CPSF1: variants seen among roughly 807,000 people sequenced by gnomAD.
CPSF1 encodes cleavage and polyadenylation specific factor 1.
CPSF1 carries 106 observed loss-of-function variants against 175.8 expected under a neutral mutation model. The observed-to-expected ratio is 0.60, with a 90% CI of 0.52 to 0.71. CPSF1 has a LOEUF of 0.71. Among genes scored for constraint, CPSF1 ranks in the 30% least tolerant of loss-of-function variants. The pLI is 0.00. For synonymous variants in CPSF1, 1,024 were observed against 858.3 expected, an observed-to-expected ratio of 1.19 and a Z score of -3.37; for missense variants, 1,734 against 2,022.9, an observed-to-expected ratio of 0.86 and a Z score of 2.74.
chr8:144,394,308 C>T lies in CPSF1; in HGVS notation c.3745-8G>A, dbSNP rs782365950. On this transcript the variant is annotated splice_region_variant and splice_polypyrimidine_tract_variant and intron_variant, in intron 32 of 37. Coordinates refer to ENST00000616140, the MANE Select transcript of CPSF1 (RefSeq NM_013291.3). ...CTCCAGGGGCTTGGCATCCTGGGGG[C>T]GGGAAGGGGGCGTCAGAGGTGCCTT... 14 of 1,586,454 alleles carry T rather than the reference C, an allele frequency of 8.8e-6. No individual in the cohort carries two copies. Among genetic ancestry groups the T allele is most frequent in the Non-Finnish European group, 1.1e-5 (13 of 1,164,444 alleles).
intron 23 of CPSF1, 73 bp from the exon 24 acceptor site, chr8:144,397,002 T>A (rs1272290931): frequency 3.7e-6 from 4 of 1,091,168 alleles, no homozygotes; most frequent in Non-Finnish European, 5.2e-6. Context: ...TGGGAAGAGG[T>A]GGGCTGTGGG....
chr8:144,399,996 C>T lies in CPSF1; in HGVS notation c.1027G>A (p.Glu343Lys), dbSNP rs1038413029. 2 of 1,611,908 alleles carry T rather than the reference C, an allele frequency of 1.2e-6. No homozygotes were observed. The highest frequency in any genetic ancestry group is 1.1e-5 in the South Asian group (1 of 90,938). Residue 343 changes from glutamate to lysine, a missense_variant, in exon 10 of 38, where the codon GAG (glutamate) becomes AAG (lysine). By Grantham distance (56) the Glu-to-Lys change is moderately conservative (BLOSUM62 1). This residue lies in a region of CPSF1 where 162 missense variants were observed against 169.5 expected (regional missense o/e 0.96). Transcript: ENST00000616140. This position sits in a 1 kb window ranked among gnomAD's most constrained non-coding sequence, Gnocchi z 6.4. The stretch of plus-strand genomic sequence containing the variant: ...ATGGGCGGGGGAGGGGCTCACATCT[C>T]GCCGCCCTTGAGGGAGATGACCATC... ...DKMVISLKGG[E>K]IYVLTLITDG...
chr8:144,396,661 C>T lies in CPSF1; in HGVS notation c.2763G>A (p.Gly921=). ...GCGCCACGCGGCCCCGGGCCCCAGCCCCCTCCTCTGCGCCGCCACCTTCTG... is the reference window on the plus strand; with the variant it reads ...GCGCCACGCGGCCCCGGGCCCCAGCTCCCTCCTCTGCGCCGCCACCTTCTG... ...KKAEGGGAEE[G]AGARGRVARF... is the part of the protein sequence containing the mutation. Residue 921 remains glycine, a synonymous_variant, in exon 25 of 38, where the codon GGG becomes GGA. Transcript: ENST00000616140. The T allele has an allele frequency of 1.2e-6, 2 of 1,613,890 alleles. No individual in the cohort carries two copies. The highest frequency in any genetic ancestry group is 2.2e-5 in the East Asian group (1 of 44,894).
rs1245398243 is a variant in CPSF1 at position 144,400,137 on chromosome 8, C to CCG, written c.937+28_937+29insCG. 1.9e-5 allele frequency: 21 copies of CCG among 1,127,602 alleles called. No homozygotes were observed. The Admixed American group carries it at 2.2e-4, about 12-fold the overall frequency. The allele number at this position is 1,127,602 out of a possible 1,614,324, so 69.8% of individuals were successfully genotyped here. A position where few individuals can be genotyped will look rare whatever the true frequency, so the allele number is the denominator to read the frequency against. ...AGGCAGGCCCAAGCCGTCCCCGGGC[C>CCG]CCCCCCGCCCCAGCCACCCCACACT... is the stretch of plus-strand genomic sequence containing the variant. On this transcript the variant is annotated intron_variant, in intron 9 of 37. Coordinates refer to ENST00000616140, the MANE Select transcript of CPSF1 (RefSeq NM_013291.3).
chr8:144,394,764 G>A lies in CPSF1; in HGVS notation c.3447C>T (p.Pro1149=), dbSNP rs782812921. 66 of 1,613,436 alleles carry A rather than the reference G, an allele frequency of 4.1e-5. 1 individual carries two copies. Among genetic ancestry groups the A allele is most frequent in the South Asian group, 4.0e-4 (36 of 91,088 alleles). The change falls in exon 31 of 38, where the codon CCC becomes CCT. Residue 1149 remains proline (P), a synonymous_variant. Coordinates refer to ENST00000616140, the MANE Select transcript of CPSF1 (RefSeq NM_013291.3). ...ILIMDVIEVV[P]EPGQPLTKNK... ...TCTTGGTCAAGGGCTGGCCAGGCTC[G>A]GGCACCACCTCAATCACATCCATGA...
Position 144,395,474 on chromosome 8 carries a change from G to C in CPSF1, c.3057C>G (p.Arg1019=), listed in dbSNP as rs1554863409. 6.2e-7 allele frequency: 1 copy of C among 1,613,012 alleles called. No individual in the cohort carries two copies. Among genetic ancestry groups the C allele is most frequent in the South Asian group, 1.1e-5 (1 of 91,080 alleles). ...GGTAAGCCACATAGTGGGCCGTGCA[G>C]CGCAGCGGGATCTTCCTGACAGGCC... ...APWPVRKIPL[R]CTAHYVAYHV... is the part of the protein sequence containing the mutation. The change falls in exon 27 of 38, where the codon CGC becomes CGG. Residue 1019 remains arginine (R), a synonymous_variant. Transcript: ENST00000616140.
Position 144,394,019 on chromosome 8 carries a change from G to A in CPSF1, c.3879C>T (p.Gly1293=). Residue 1293 remains glycine, a synonymous_variant, in exon 35 of 38, where the codon GGC becomes GGT. Coordinates refer to ENST00000616140, the MANE Select transcript of CPSF1 (RefSeq NM_013291.3). Reference sequence around the variant, plus strand: ...AGTCTGCCCGACGCAGCAGGCGCATGCCCCCGAAACTCTCCTTGGCTAGAC... The same window carrying A: ...AGTCTGCCCGACGCAGCAGGCGCATACCCCCGAAACTCTCCTTGGCTAGAC... ...YLPEAKESFG[G]MRLLRRADFH... is the part of the protein sequence containing the mutation. The A allele has an allele frequency of 6.2e-7, 1 of 1,612,396 alleles. No homozygotes were observed. The highest frequency in any genetic ancestry group is 2.2e-5 in the East Asian group (1 of 44,820).
In CPSF1 at chr8:144,394,000, C is replaced by T. The variant is rs150679420; in HGVS notation, c.3898G>A (p.Ala1300Thr). 69 of 1,612,920 alleles carry T rather than the reference C, an allele frequency of 4.3e-5. No homozygotes were observed. The highest frequency in any genetic ancestry group is 5.4e-5 in the Non-Finnish European group (64 of 1,179,526). Residue 1300 changes from alanine to threonine, a missense_variant, in exon 35 of 38, where the codon GCA becomes ACA. This residue lies in a region of CPSF1 where 323 missense variants were observed against 338.5 expected (regional missense o/e 0.95). Transcript: ENST00000616140. ...ACGTGGGCACCCACGTGGAAGTCTG[C>T]CCGACGCAGCAGGCGCATGCCCCCG... ...SFGGMRLLRR[A>T]DFHVGAHVNT...
chr8:144,401,394 C>T (rs1554867062), intron 4 of CPSF1, 36 bp downstream of exon 4: 8 of 1,612,814 alleles, frequency 5.0e-6, no homozygotes, highest in Non-Finnish European at 6.8e-6. Flanking sequence ...ACTCCCACGC[C>T]TTGGCCAGGC....
At chr8:144,395,677 AGCT>A (rs1297979456) in intron 26 of CPSF1, 126 bp from the exon 27 acceptor site, 16 of 766,982 alleles carry the variant, frequency 2.1e-5, no homozygotes, top group African/African-American at 1.6e-4. Flanking sequence ...GGTGAGGGGC[AGCT>A]GTGTCCTGGC....
At chr8:144,393,858 G>A in intron 35 of CPSF1, 25 bp downstream of exon 35, 2 of 1,603,046 alleles carry the variant, frequency 1.2e-6, no homozygotes, top group Middle Eastern at 1.7e-4. Flanking sequence ...CCCCCACCCA[G>A]ACACACCTGC....
intron 2 of CPSF1, among the ~76,000 whole-genome samples, chr8:144,404,131 G>A (rs1482830935): frequency 6.6e-6 from 1 of 151,778 alleles, no homozygotes; most frequent in Non-Finnish European, 1.5e-5. Flanking sequence ...GCTAAGGCAG[G>A]AGAATCGCTT....
intron 9 of CPSF1, 31 bp downstream of exon 9, chr8:144,400,135 G>GGGGGCCCCCCCCCCCCCC: frequency 3.2e-5 from 29 of 895,898 alleles, no homozygotes; most frequent in Non-Finnish European, 4.5e-5. Context: ...CCGTCCCCGG[G>GGGGGCCCCCCCCCCCCCC]CCCCCCCCGC....
rs147468511 is a variant in CPSF1 at position 144,400,437 on chromosome 8, G to A, written c.743C>T (p.Thr248Met). ...CCAGATGACGGGGTGCACCTTCTGC[G>A]TGATGTTCAGTGAGATGGCCACAAT... Reference protein sequence around the residue: ...CSIVAISLNITQKVHPVIWSL... With the variant: ...CSIVAISLNIMQKVHPVIWSL... The change falls in exon 8 of 38, where the codon ACG becomes ATG. Residue 248 changes from threonine to methionine, a missense_variant. By Grantham distance (81) the Thr-to-Met change is moderately conservative. Transcript: ENST00000616140. The A allele has an allele frequency of 2.2e-4, 355 of 1,613,562 alleles. 5 individuals are homozygous for A. The African/African-American group carries it at 3.7e-3, about 17-fold the overall frequency.
chr8:144,399,479 GCTT>G lies in CPSF1; in HGVS notation c.1264_1266del (p.Lys422del), dbSNP rs2116863198. 2 of 1,613,042 alleles carry G rather than the reference GCTT, an allele frequency of 1.2e-6. No homozygotes were observed. The highest frequency in any genetic ancestry group is 2.2e-5 in the East Asian group (1 of 44,878). ...GACCAGCCGGCCGTCGCATCCACTCGCTTCTTCTTTGAGGGAGGCTCTTCCTGT... is the reference window on the plus strand; with the variant it reads ...GACCAGCCGGCCGTCGCATCCACTCGCTTCTTTGAGGGAGGCTCTTCCTGT... On this transcript the variant is annotated inframe_deletion, in exon 13 of 38. Transcript: ENST00000616140. The surrounding 1 kb of genome is among the most constrained non-coding windows in gnomAD (Gnocchi z 6.4).
chr8:144,402,162 C>CT (rs2116889480), intron 2 of CPSF1, among the ~76,000 whole-genome samples: 90,215 of 152,120 alleles, frequency 0.59, 28,618 homozygotes, highest in Middle Eastern at 0.74. Flanking sequence ...GGCTGCCTCT[C>CT]TATCTCCTCC....
At chr8:144,398,172 C>T (rs782369496) in intron 19 of CPSF1, 40 bp from the exon 20 acceptor site, 2 of 918,424 alleles carry the variant, frequency 2.2e-6, no homozygotes, top group East Asian at 2.9e-5. Context: ...TCCCCACCAC[C>T]GTCCCCACCC....
Position 144,397,839 on chromosome 8 carries a change from C to G in CPSF1, c.2114G>C (p.Ser705Thr). Residue 705 changes from serine to threonine, a missense_variant, in exon 21 of 38, where the codon AGC (serine) becomes ACC (threonine). Coordinates refer to ENST00000616140, the MANE Select transcript of CPSF1 (RefSeq NM_013291.3). ...VITLCLYRDL[S>T]GMFTTESRLG... ...GCGGCTCTCAGTGGTGAACATGCCG[C>G]TGAGGTCTCGGTACAGGCACAGCGT... 1 of 1,611,402 alleles carries G rather than the reference C, an allele frequency of 6.2e-7. No individual in the cohort carries two copies.
At position 144,397,818 on chromosome 8, in the gene CPSF1, C is replaced by T. The variant is rs1820867898; in HGVS notation, c.2135G>A (p.Ser712Asn). The change falls in exon 21 of 38, where the codon AGC (serine) becomes AAC (asparagine). Residue 712 changes from serine (S) to asparagine (N), a missense_variant. Ser to Asn is a conservative substitution (Grantham distance 46, BLOSUM62 1). This residue lies in a region of CPSF1 where 585 missense variants were observed against 584.7 expected (regional missense o/e 1.00). Transcript: ENST00000616140. ...CTCGTCACGGGCCCCACCCAGGCGG[C>T]TCTCAGTGGTGAACATGCCGCTGAG... ...RDLSGMFTTE[S>N]RLGGARDELG... The T allele has an allele frequency of 6.2e-7, 1 of 1,611,288 alleles. No individual in the cohort carries two copies. Among genetic ancestry groups the T allele is most frequent in the East Asian group, 2.2e-5 (1 of 44,864 alleles).
Sources: allele counts gnomAD v4.1 joint callset (sites outside exome capture counted in the v4.1 genomes callset), GRCh38; gene constraint gnomAD v4.1.1; regional missense constraint gnomAD v4.1.1; non-coding constraint Gnocchi (gnomAD v3.1); transcripts MANE v1.5; gene names NCBI Gene and HGNC (gene_info 2026-07-23, HGNC 2026-07-21).